The following NOS2 variants were observed in gnomAD, a reference collection of about 807,000 sequenced individuals.
NOS2 encodes the protein nitric oxide synthase 2.
A neutral mutation model predicts 136.0 loss-of-function variants in NOS2; 96 were observed. The observed-to-expected ratio is 0.71, with a 90% CI of 0.60 to 0.84. The LOEUF is 0.84. Ranked by LOEUF, NOS2 falls within the 40% of genes least tolerant of loss-of-function variation. NOS2 has a pLI of 0.00. For synonymous variants in NOS2, 539 were observed against 587.5 expected (o/e 0.92, Z 1.20); for missense variants, 1,237 against 1,496.9 (o/e 0.83, Z 2.87).
At position 27,782,098 on chromosome 17, in the gene NOS2, A is replaced by T. The variant is rs1262450816; in HGVS notation, c.639T>A (p.Asp213Glu). The T allele has an allele frequency of 6.2e-7, 1 of 1,614,068 alleles. No individual in the cohort carries two copies. The change falls in exon 7 of 27, where the codon GAT becomes GAA. Residue 213 changes from aspartate to glutamate, a missense_variant. This residue lies in a region of NOS2 where 440 missense variants were observed against 545.4 expected (regional missense o/e 0.81). Transcript: ENST00000313735. ...CCCGGGCAGTGGAACAGCTGCGGGC[A>T]TCGAAGACCTGCAACAGCCCATCCA... ...RIQWSNLQVF[D>E]ARSCSTAREM... is the part of the protein sequence containing the mutation.
In NOS2 at chr17:27,759,160, G is replaced by A. The variant is rs199751861; in HGVS notation, c.3160-85C>T. The A allele has an allele frequency of 5.1e-4, 502 of 983,926 alleles. 4 individuals carry two copies. In the East Asian group the frequency reaches 0.015, roughly 28 times the overall value. The allele number at this position is 983,926 out of a possible 1,614,324, so 60.9% of individuals were successfully genotyped here. Reference sequence around the variant, plus strand: ...AGGCCTGCTGGCCTCAAGGAGGCGGGGAGAGGGGCACTAAGGGGTGAGGAG... The same window carrying A: ...AGGCCTGCTGGCCTCAAGGAGGCGGAGAGAGGGGCACTAAGGGGTGAGGAG... On this transcript the variant is annotated intron_variant, in intron 25 of 26. Transcript: ENST00000313735.
intron 6 of NOS2, among the ~76,000 whole-genome samples, 191 bp from the exon 7 acceptor site, chr17:27,782,297 A>G (rs1017350238): frequency 6.6e-6 from 1 of 152,140 alleles, no homozygotes; most frequent in Non-Finnish European, 1.5e-5. Context: ...TCAGCCTCCC[A>G]TCTGCACCAC....
At chr17:27,761,582 C>T (rs1351752790) in intron 22 of NOS2, among the ~76,000 whole-genome samples, 4 of 152,164 alleles carry the variant, frequency 2.6e-5, no homozygotes, top group Admixed American at 6.5e-5. Flanking sequence ...AGACTTTCTC[C>T]GGGAACACTC....
intron 5 of NOS2, among the ~76,000 whole-genome samples, chr17:27,786,423 T>C (rs1909027825): frequency 6.6e-6 from 1 of 152,026 alleles, no homozygotes; most frequent in South Asian, 2.1e-4. Context: ...CAAAACTCCA[T>C]CTCAAAAAAC....
intron 2 of NOS2, among the ~76,000 whole-genome samples, chr17:27,791,722 A>G (rs1418883351): frequency 6.7e-6 from 1 of 150,302 alleles, no homozygotes; most frequent in Admixed American, 6.7e-5. Context: ...GTATCATTGA[A>G]TACTTTTTTC....
chr17:27,761,175 G>T lies in NOS2; in HGVS notation c.2857C>A (p.Pro953Thr). Residue 953 changes from proline (P) to threonine (T), a missense_variant, in exon 23 of 27, where the codon CCC becomes ACC. Pro to Thr is a conservative substitution (Grantham distance 38). Around this residue, in one of 3 missense-constraint regions of NOS2, gnomAD observed 782 missense variants for 909.9 expected, o/e 0.86. Transcript: ENST00000313735. ...ACAAAGCAGGGCACTGGGTCTTGGG[G>T]CTTCAGGCTGTTGAGCCATGTGCTG... Reference protein sequence around the residue: ...VCSTWLNSLKPQDPVPCFVRN... With the variant: ...VCSTWLNSLKTQDPVPCFVRN... 1 of 1,609,032 alleles carries T rather than the reference G, an allele frequency of 6.2e-7. No individual in the cohort carries two copies.
chr17:27,765,647 G>T lies in NOS2; in HGVS notation c.2316C>A (p.His772Gln), dbSNP rs1908276333. 1 of 1,613,492 alleles carries T rather than the reference G, an allele frequency of 6.2e-7. No homozygotes were observed. Reference protein sequence around the residue: ...GQGLNYLPGEHLGVCPGNQPA... With the variant: ...GQGLNYLPGEQLGVCPGNQPA... ...GCTGGTTGCCTGGGCAAACCCCAAG[G>T]TGCTCCCCCGGCAGGTAGTTCAGGC... The change falls in exon 20 of 27, where the codon CAC becomes CAA. Residue 772 changes from histidine (H) to glutamine (Q), a missense_variant. This residue lies in a region of NOS2 where 782 missense variants were observed against 909.9 expected (regional missense o/e 0.86). Coordinates refer to ENST00000313735, the MANE Select transcript of NOS2 (RefSeq NM_000625.4).
chr17:27,777,680 G>C (rs1467104162), intron 11 of NOS2, among the ~76,000 whole-genome samples: 1 of 152,180 alleles, frequency 6.6e-6, no homozygotes, highest in Admixed American at 6.5e-5. Flanking sequence ...CTAGGCCAGA[G>C]GTGCAGCAGC....
intron 17 of NOS2, 49 bp from the exon 18 acceptor site, chr17:27,767,886 T>A (rs1355553967): frequency 6.2e-7 from 1 of 1,606,542 alleles, no homozygotes; most frequent in Admixed American, 1.7e-5. Context: ...AGCAGCAGCA[T>A]CCCCACCACT....
chr17:27,798,121 A>T (rs921271442), intron 2 of NOS2, among the ~76,000 whole-genome samples: 20 of 151,982 alleles, frequency 1.3e-4, no homozygotes, highest in African/African-American at 4.6e-4. Context: ...ATCTCATTTC[A>T]TCCTCAGCAC....
chr17:27,759,693 C>T (rs1908051013), intron 25 of NOS2, among the ~76,000 whole-genome samples: 1 of 152,104 alleles, frequency 6.6e-6, no homozygotes, highest in African/African-American at 2.4e-5. Flanking sequence ...AAGCATCGGC[C>T]GCCCTCCAGC....
chr17:27,777,385 G>GAAGTGTTTCT (rs1431738019), intron 11 of NOS2, among the ~76,000 whole-genome samples: 1 of 152,216 alleles, frequency 6.6e-6, no homozygotes, highest in African/African-American at 2.4e-5. Context: ...ACAGGGAAGG[G>GAAGTGTTTCT]AAGTGTTTCT....
chr17:27,788,723 C>A, intron 4 of NOS2, 86 bp downstream of exon 4: 1 of 1,519,204 alleles, frequency 6.6e-7, no homozygotes, highest in South Asian at 1.3e-5. Context: ...TTGGTTTGCC[C>A]AGGGGGACAC....
intron 2 of NOS2, among the ~76,000 whole-genome samples, chr17:27,795,365 A>T (rs1909324004): frequency 1.3e-5 from 2 of 152,258 alleles, no homozygotes. Flanking sequence ...TAAAACAAGG[A>T]TAATAGTTCC....
At chr17:27,781,669 G>A (rs1286188307) in intron 7 of NOS2, among the ~76,000 whole-genome samples, 2 of 152,176 alleles carry the variant, frequency 1.3e-5, no homozygotes, top group Non-Finnish European at 1.5e-5. Flanking sequence ...CTTTGACCTC[G>A]TTGGTTGGGA....
At chr17:27,787,458 A>G (rs907296250) in intron 5 of NOS2, among the ~76,000 whole-genome samples, 1 of 152,156 alleles carries the variant, frequency 6.6e-6, no homozygotes, top group African/African-American at 2.4e-5. Context: ...GTCACTTTTA[A>G]CTGGTATTGC....
At chr17:27,771,672 C>T (rs1171175241) in intron 14 of NOS2, among the ~76,000 whole-genome samples, 2 of 152,260 alleles carry the variant, frequency 1.3e-5, no homozygotes, top group African/African-American at 2.4e-5. Flanking sequence ...AGAAGCCGTG[C>T]GACCCTGGAA....
chr17:27,783,959 C>T (rs1314444927), intron 5 of NOS2, among the ~76,000 whole-genome samples: 1 of 152,194 alleles, frequency 6.6e-6, no homozygotes, highest in African/African-American at 2.4e-5. Context: ...GGTCCCAGGG[C>T]CTGGCCAGAA....
rs201644953 is a variant in NOS2, at chr17:27,767,701, G to C, written c.2167+4C>G. ...AGCCCCATGTGCTGCAGAGAAGCAG[G>C]TACCTTTGCTGAGGTCCAAAGGCTG... On this transcript the variant is annotated splice_donor_region_variant and intron_variant, in intron 18 of 26. Coordinates refer to ENST00000313735, the MANE Select transcript of NOS2 (RefSeq NM_000625.4). 3.7e-5 allele frequency: 60 copies of C among 1,613,330 alleles called. No individual in the cohort carries two copies. The South Asian group carries it at 5.8e-4, about 16-fold the overall frequency.
Sources: allele counts gnomAD v4.1 joint callset (sites outside exome capture counted in the v4.1 genomes callset), GRCh38; gene constraint gnomAD v4.1.1; regional missense constraint gnomAD v4.1.1; transcripts MANE v1.5; gene names NCBI Gene and HGNC (gene_info 2026-07-23, HGNC 2026-07-21).